Variants in ITCH observed in about 807,000 individuals in gnomAD.
ITCH encodes the protein itchy E3 ubiquitin protein ligase.
Under a neutral mutation model 126.8 loss-of-function variants are expected in ITCH, and 28 were observed. The ratio of observed to expected loss-of-function variants is 0.22; its 90% CI spans 0.16 to 0.30. The LOEUF (loss-of-function observed/expected upper bound fraction) is 0.30. ITCH is among the 10% of genes least tolerant of loss of function. The pLI, the probability that ITCH is intolerant of heterozygous loss-of-function variation, is 1.00. For synonymous variants in ITCH, 342 were observed against 340.0 expected, an observed-to-expected ratio of 1.01 and a Z score of -0.06; for missense variants, 631 against 1,032.4, an observed-to-expected ratio of 0.61 and a Z score of 5.33.
chr20:34,461,521 C>T (rs1208399730), intron 13 of ITCH, among the ~76,000 whole-genome samples: 3 of 151,910 alleles, frequency 2.0e-5, no homozygotes, highest in Admixed American at 6.6e-5. Context: ...CCAGCCTGGC[C>T]AACATGGTGA....
intron 12 of ITCH, among the ~76,000 whole-genome samples, 195 bp from the exon 13 acceptor site, chr20:34,457,195 A>G (rs1202616620): frequency 2.0e-5 from 3 of 152,248 alleles, no homozygotes; most frequent in African/African-American, 4.8e-5. Context: ...TCTAAGATGT[A>G]ATATTTCTAT....
At chr20:34,473,812 T>A (rs966584459) in intron 16 of ITCH, among the ~76,000 whole-genome samples, 1 of 152,220 alleles carries the variant, frequency 6.6e-6, no homozygotes, top group East Asian at 1.9e-4. Flanking sequence ...AATATTTTTG[T>A]CCATACACAT....
At position 34,509,724 on chromosome 20, in the gene ITCH, C is replaced by CT. The variant is rs1446337196; in HGVS notation, c.*1932dup. 1 of 152,556 alleles carries CT rather than the reference C, an allele frequency of 6.6e-6. No homozygotes were observed. The highest frequency in any genetic ancestry group is 1.5e-5 in the Non-Finnish European group (1 of 68,036). The allele number at this position is 152,556 out of a possible 1,614,324, so 9.5% of individuals were successfully genotyped here. ...GGGAGAAAAAACGCTATTGCTTTGTCTTACAGAGCGAATGTCTGCCAACTA... is the reference window on the plus strand; with the variant it reads ...GGGAGAAAAAACGCTATTGCTTTGTCTTTACAGAGCGAATGTCTGCCAACTA... On this transcript the variant is annotated 3_prime_UTR_variant, in exon 25 of 25. Transcript: ENST00000374864.
At chr20:34,368,688 A>G (rs1252138255) in intron 1 of ITCH, among the ~76,000 whole-genome samples, 2 of 152,156 alleles carry the variant, frequency 1.3e-5, no homozygotes, top group Non-Finnish European at 1.5e-5. Flanking sequence ...CTAGCAGTGT[A>G]CTGTCCTTGA....
At chr20:34,490,217 G>A (rs866611788) in intron 22 of ITCH, among the ~76,000 whole-genome samples, 1 of 152,162 alleles carries the variant, frequency 6.6e-6, no homozygotes. Flanking sequence ...ACTGTCTGTA[G>A]TATGTTTTTT....
chr20:34,423,239 G>C (rs978034583), intron 6 of ITCH, among the ~76,000 whole-genome samples: 1 of 152,084 alleles, frequency 6.6e-6, no homozygotes, highest in African/African-American at 2.4e-5. Context: ...TCATTAGTTT[G>C]TTCTCTTTTA....
chr20:34,377,765 G>A (rs1275531952), intron 2 of ITCH, among the ~76,000 whole-genome samples: 1 of 151,930 alleles, frequency 6.6e-6, no homozygotes, highest in African/African-American at 2.4e-5. Flanking sequence ...TACCCAGGAG[G>A]CTGAGGTGGG....
chr20:34,486,618 G>A (rs939489945), intron 20 of ITCH, among the ~76,000 whole-genome samples: 1 of 151,072 alleles, frequency 6.6e-6, no homozygotes, highest in Non-Finnish European at 1.5e-5. Context: ...GAGCCACCAC[G>A]CCCAGCCACA....
chr20:34,444,052 C>T lies in ITCH; in HGVS notation c.966-1235C>T, dbSNP rs1480131913. Among the ~76,000 whole-genome samples, 2 of 151,962 alleles carry T rather than the reference C, an allele frequency of 1.3e-5. 1 individual carries two copies. The highest frequency in any genetic ancestry group is 4.2e-4 in the South Asian group (2 of 4,804). On this transcript the variant is annotated intron_variant, in intron 10 of 24. Transcript: ENST00000374864. ...TCATAATCCTCTCTGTGAAATTTAT[C>T]CTAAAGAAACAATTCAAAGGAAGAA...
intron 1 of ITCH, among the ~76,000 whole-genome samples, chr20:34,363,765 G>T (rs1368543749): frequency 6.6e-6 from 1 of 152,082 alleles, no homozygotes; most frequent in Admixed American, 6.5e-5. Context: ...CCTGTGAGGG[G>T]CGGCGGCCGG....
intron 13 of ITCH, among the ~76,000 whole-genome samples, chr20:34,459,447 G>T (rs1986310839): frequency 6.6e-6 from 1 of 152,116 alleles, no homozygotes; most frequent in Non-Finnish European, 1.5e-5. Flanking sequence ...TCCTCCAGAG[G>T]TCGGAACTGA....
intron 2 of ITCH, among the ~76,000 whole-genome samples, chr20:34,392,850 G>T (rs1457389371): frequency 6.6e-6 from 1 of 152,136 alleles, no homozygotes; most frequent in Admixed American, 6.6e-5. Context: ...CTACTCAGGA[G>T]GCTGAAGCAG....
intron 6 of ITCH, among the ~76,000 whole-genome samples, chr20:34,415,287 G>T (rs1979665858): frequency 6.6e-6 from 1 of 152,150 alleles, no homozygotes; most frequent in African/African-American, 2.4e-5. Flanking sequence ...GCTGGGCACA[G>T]TGGCTCACAC....
chr20:34,443,421 T>A (rs1984025241), intron 10 of ITCH, among the ~76,000 whole-genome samples: 1 of 151,688 alleles, frequency 6.6e-6, no homozygotes, highest in Non-Finnish European at 1.5e-5. Context: ...GGCAGGAGAA[T>A]GACTTGAACC....
intron 6 of ITCH, among the ~76,000 whole-genome samples, chr20:34,415,464 G>A (rs768564340): frequency 5.3e-5 from 8 of 152,082 alleles, no homozygotes; most frequent in Non-Finnish European, 7.4e-5. Flanking sequence ...GGCTGAGGTG[G>A]GAGGATCACT....
At chr20:34,432,631 T>C (rs2146256830) in intron 7 of ITCH, among the ~76,000 whole-genome samples, 1 of 152,284 alleles carries the variant, frequency 6.6e-6, no homozygotes, top group Admixed American at 6.5e-5. Flanking sequence ...GTCCAGCAAA[T>C]GGGAGAACAG....
intron 2 of ITCH, among the ~76,000 whole-genome samples, chr20:34,380,509 T>C (rs951455777): frequency 3.9e-5 from 6 of 152,140 alleles, no homozygotes; most frequent in African/African-American, 1.4e-4. Flanking sequence ...TGTAAGAGTT[T>C]ATTGTAAATT....
At chr20:34,478,013 C>T in intron 17 of ITCH, 153 bp downstream of exon 17, 1 of 971,408 alleles carries the variant, frequency 1.0e-6, no homozygotes, top group Non-Finnish European at 1.5e-6. Context: ...TACAGAATTT[C>T]AAAAAACATT....
intron 11 of ITCH, among the ~76,000 whole-genome samples, 162 bp downstream of exon 11, chr20:34,445,623 T>A (rs1274991809): frequency 2.6e-5 from 4 of 152,224 alleles, no homozygotes; most frequent in Non-Finnish European, 4.4e-5. Context: ...GTATTCTGTG[T>A]GTGATCTAGT....
Sources: gnomAD v4.1 joint callset for allele counts (sites outside exome capture counted in the v4.1 genomes callset) on GRCh38, gnomAD v4.1.1 for gene constraint, MANE v1.5 for transcripts, NCBI Gene and HGNC (gene_info 2026-07-23, HGNC 2026-07-21) for gene names.